The following THADA variants were observed in gnomAD, a reference collection of about 807,000 sequenced individuals.
The protein encoded by THADA is tRNA (32-2'-O)-methyltransferase regulator THADA.
Under a neutral mutation model 219.8 loss-of-function variants are expected in THADA, and 213 were observed. That is an observed-to-expected ratio of 0.97 (90% confidence interval 0.87 to 1.09). THADA has a LOEUF of 1.09. Ranked by LOEUF, THADA falls within the 50% of genes least tolerant of loss-of-function variation. THADA has a pLI of 0.00. For missense variants in THADA, 2,956 were observed against 2,311.3 expected, an observed-to-expected ratio of 1.28 and a Z score of -5.72; for synonymous variants, 1,018 against 828.9, an observed-to-expected ratio of 1.23 and a Z score of -3.92.
intron 20 of THADA, among the ~76,000 whole-genome samples, chr2:43,545,453 C>A (rs1695896241): frequency 6.6e-6 from 1 of 151,750 alleles, no homozygotes; most frequent in Admixed American, 6.6e-5. Context: ...GGAATGGTAC[C>A]AGTTCCTCCT....
intron 36 of THADA, among the ~76,000 whole-genome samples, chr2:43,240,911 A>T (rs889648086): frequency 1.3e-5 from 2 of 152,176 alleles, no homozygotes; most frequent in Non-Finnish European, 2.9e-5. Context: ...CCCAGCATGC[A>T]CTGGGCCAAG....
intron 29 of THADA, among the ~76,000 whole-genome samples, chr2:43,392,655 C>T (rs554353475): frequency 3.9e-5 from 6 of 152,092 alleles, no homozygotes; most frequent in African/African-American, 1.4e-4. Context: ...GATTCTGGCT[C>T]TACAGTAAAC....
chr2:43,559,703 G>C (rs1445406216), intron 16 of THADA, among the ~76,000 whole-genome samples: 1 of 152,230 alleles, frequency 6.6e-6, no homozygotes, highest in Non-Finnish European at 1.5e-5. Flanking sequence ...AGAATGGAGG[G>C]GCTGGGGATG....
At chr2:43,535,028 G>A (rs1434453521) in intron 21 of THADA, among the ~76,000 whole-genome samples, 1 of 151,788 alleles carries the variant, frequency 6.6e-6, no homozygotes, top group East Asian at 1.9e-4. Flanking sequence ...GTCTTTTTGG[G>A]AACAGCCATC....
chr2:43,273,775 T>C (rs1307163346), intron 36 of THADA, among the ~76,000 whole-genome samples: 2 of 152,114 alleles, frequency 1.3e-5, no homozygotes. Context: ...GACCCAGGCC[T>C]TTCTATCTCT....
chr2:43,432,089 C>T lies in THADA; in HGVS notation c.3837-1787G>A, dbSNP rs1573616334. Among the ~76,000 whole-genome samples the T allele has an allele frequency of 1.5e-5, 2 of 137,228 alleles. 1 individual carries two copies. The highest frequency in any genetic ancestry group is 4.7e-4 in the South Asian group (2 of 4,258). 90.0% of individuals were successfully genotyped at this position (137,228 alleles called of 152,430 possible). ...GCCGGGATGGTCTCGATCTCCTGAC[C>T]TCGTGATCCGCCCGCCTCGGCCTCC... On this transcript the variant is annotated intron_variant, in intron 26 of 37. Transcript: ENST00000405975.
At chr2:43,514,255 G>C (rs1363099952) in intron 22 of THADA, among the ~76,000 whole-genome samples, 1 of 150,644 alleles carries the variant, frequency 6.6e-6, no homozygotes, top group African/African-American at 2.4e-5. Flanking sequence ...TTTGAGACCA[G>C]CCTGGGCAAC....
intron 36 of THADA, among the ~76,000 whole-genome samples, chr2:43,256,583 A>T (rs928817411): frequency 6.6e-6 from 1 of 150,556 alleles, no homozygotes; most frequent in Non-Finnish European, 1.5e-5. Flanking sequence ...GGCTAATTAA[A>T]AAAAGAAAAA....
intron 21 of THADA, among the ~76,000 whole-genome samples, chr2:43,531,845 CT>C (rs1693914451): frequency 6.6e-6 from 1 of 151,738 alleles, no homozygotes; most frequent in African/African-American, 2.4e-5. Context: ...TAGTCTTTTC[CT>C]TTTTTTCGAC....
chr2:43,362,727 C>T (rs1283725935), intron 29 of THADA, among the ~76,000 whole-genome samples: 1 of 152,096 alleles, frequency 6.6e-6, no homozygotes, highest in Non-Finnish European at 1.5e-5. Flanking sequence ...CCTTAGTTTG[C>T]TCTAACATTT....
At chr2:43,319,593 T>C (rs573435124) in intron 31 of THADA, among the ~76,000 whole-genome samples, 6 of 152,174 alleles carry the variant, frequency 3.9e-5, no homozygotes, top group Non-Finnish European at 8.8e-5. Context: ...AGCTGAACAT[T>C]GACAGCCTGA....
chr2:43,374,423 T>C (rs1368401959), intron 29 of THADA, among the ~76,000 whole-genome samples: 1 of 152,204 alleles, frequency 6.6e-6, no homozygotes, highest in Admixed American at 6.5e-5. Context: ...GAGGATTCAA[T>C]CAGCAAATAT....
chr2:43,556,313 T>C (rs1249843039), intron 17 of THADA, 32 bp downstream of exon 17: 1 of 1,607,914 alleles, frequency 6.2e-7, no homozygotes, highest in Non-Finnish European at 8.5e-7. Context: ...ACTAAGCTAT[T>C]CGTTTTGATA....
At chr2:43,465,595 A>G (rs565020673) in intron 26 of THADA, among the ~76,000 whole-genome samples, 14 of 152,324 alleles carry the variant, frequency 9.2e-5, no homozygotes, top group African/African-American at 3.4e-4. Context: ...GTCCCAAAGA[A>G]TATCAGATTA....
intron 26 of THADA, among the ~76,000 whole-genome samples, chr2:43,469,780 TA>T (rs1173762151): frequency 6.6e-6 from 1 of 152,250 alleles, no homozygotes; most frequent in East Asian, 1.9e-4. Flanking sequence ...AGTAGGTGGT[TA>T]AAACAAAAAA....
chr2:43,388,433 G>A (rs113215313), intron 29 of THADA, among the ~76,000 whole-genome samples: 9 of 152,210 alleles, frequency 5.9e-5, no homozygotes, highest in African/African-American at 2.2e-4. Flanking sequence ...AAAAAAACTT[G>A]GAATGTGCTA....
chr2:43,406,968 A>G (rs1186591191), intron 28 of THADA, among the ~76,000 whole-genome samples: 2 of 152,202 alleles, frequency 1.3e-5, no homozygotes, highest in Admixed American at 1.3e-4. Flanking sequence ...CGGGCTACAC[A>G]AACAACCAAG....
intron 26 of THADA, among the ~76,000 whole-genome samples, chr2:43,442,150 C>A (rs1680917243): frequency 6.6e-6 from 1 of 152,070 alleles, no homozygotes; most frequent in Admixed American, 6.5e-5. Flanking sequence ...AAATTGGAAA[C>A]CAAGTCCGGC....
At chr2:43,553,732 C>G (rs894091667) in intron 17 of THADA, among the ~76,000 whole-genome samples, 1 of 152,172 alleles carries the variant, frequency 6.6e-6, no homozygotes, top group Admixed American at 6.5e-5. Context: ...TACAATCCCA[C>G]CAACAGTCTA....
Sources: allele counts gnomAD v4.1 joint callset (sites outside exome capture counted in the v4.1 genomes callset), GRCh38; gene constraint gnomAD v4.1.1; transcripts MANE v1.5; gene names NCBI Gene and HGNC (gene_info 2026-07-23, HGNC 2026-07-21).